Variants in KIF13A observed in about 807,000 individuals in gnomAD.
KIF13A encodes kinesin family member 13A.
A neutral mutation model predicts 212.2 loss-of-function variants in KIF13A; 79 were observed. The observed-to-expected ratio is 0.37, with a 90% CI of 0.31 to 0.45. The LOEUF is 0.45. Ranked by LOEUF, KIF13A falls within the 20% of genes least tolerant of loss-of-function variation. The pLI, the probability that KIF13A is intolerant of heterozygous loss-of-function variation, is 1.00. For synonymous variants in KIF13A, 789 were observed against 808.6 expected (o/e 0.98, Z 0.41); for missense variants, 1,901 against 2,209.0 (o/e 0.86, Z 2.79).
intron 22 of KIF13A, among the ~76,000 whole-genome samples, chr6:17,797,892 C>G (rs561884861): frequency 6.6e-6 from 1 of 152,024 alleles, no homozygotes; most frequent in Non-Finnish European, 1.5e-5. Context: ...AGTGAGACAT[C>G]GTCTTTAAAA....
At chr6:17,977,329 T>C (rs141840822) in intron 2 of KIF13A, among the ~76,000 whole-genome samples, 13 of 152,288 alleles carry the variant, frequency 8.5e-5, no homozygotes, top group African/African-American at 3.1e-4. Context: ...ATCTTCACTA[T>C]AATGTAAGAG....
chr6:17,983,419 T>G (rs1781265141), intron 2 of KIF13A, among the ~76,000 whole-genome samples: 1 of 151,216 alleles, frequency 6.6e-6, no homozygotes, highest in Admixed American at 6.6e-5. Flanking sequence ...GGATTCTCAT[T>G]CCATTGCTCC....
intron 2 of KIF13A, among the ~76,000 whole-genome samples, chr6:17,945,859 C>T (rs373485134): frequency 1.3e-4 from 20 of 152,214 alleles, no homozygotes; most frequent in African/African-American, 3.9e-4. Context: ...ACAGAAGAGA[C>T]GGCCCTGAAA....
At chr6:17,978,950 AC>A (rs963990866) in intron 2 of KIF13A, among the ~76,000 whole-genome samples, 2 of 152,226 alleles carry the variant, frequency 1.3e-5, no homozygotes, top group Non-Finnish European at 2.9e-5. Context: ...TTTAAATGTT[AC>A]ACCAAATAAC....
chr6:17,787,672 A>ACAG lies in KIF13A; in HGVS notation c.3361+103_3361+104insCTG. ...TCTTAAAACAACAACAACAACAACA[A>ACAG]CAAAAATAAGATACTACTGTCCAGT... On this transcript the variant is annotated intron_variant, in intron 27 of 38. Transcript: ENST00000259711. The surrounding 1 kb of genome is among the most constrained non-coding windows in gnomAD (Gnocchi z 4.6). 1.4e-6 allele frequency: 1 copy of ACAG among 717,692 alleles called. No homozygotes were observed. Among genetic ancestry groups the ACAG allele is most frequent in the East Asian group, 2.5e-5 (1 of 40,520 alleles). The allele number at this position is 717,692 out of a possible 1,614,324, so 44.5% of individuals were successfully genotyped here.
chr6:17,781,308 A>T lies in KIF13A; in HGVS notation c.3545-7T>A. The T allele has an allele frequency of 6.4e-7, 1 of 1,570,904 alleles. No homozygotes were observed. The highest frequency in any genetic ancestry group is 8.6e-7 in the Non-Finnish European group (1 of 1,163,800). On this transcript the variant is annotated splice_polypyrimidine_tract_variant and splice_region_variant and intron_variant, in intron 29 of 38. Transcript: ENST00000259711. ...TTGGCACTGAGGTCATCCGCTAACC[A>T]CATCAGGAGCACAGAAAAAACAGTA...
chr6:17,946,580 A>C (rs959032354), intron 2 of KIF13A, among the ~76,000 whole-genome samples: 1 of 152,256 alleles, frequency 6.6e-6, no homozygotes, highest in Admixed American at 6.5e-5. Context: ...TAAAACCACA[A>C]TAAAATATCA....
At position 17,837,614 on chromosome 6, in the gene KIF13A, T is replaced by C. The variant is rs948748272; in HGVS notation, c.831-31A>G. Reference sequence around the variant, plus strand: ...AAGAAAAAATGAAAAATTAGTTTTATGGAATGTTTATTTGGTTTAAGTATA... The same window carrying C: ...AAGAAAAAATGAAAAATTAGTTTTACGGAATGTTTATTTGGTTTAAGTATA... On this transcript the variant is annotated intron_variant, in intron 9 of 38. Transcript: ENST00000259711. This position sits in a 1 kb window ranked among gnomAD's most constrained non-coding sequence, Gnocchi z 5.4. 1 of 1,389,800 alleles carries C rather than the reference T, an allele frequency of 7.2e-7. No individual in the cohort carries two copies. The highest frequency in any genetic ancestry group is 1.4e-5 in the African/African-American group (1 of 70,034). The allele number at this position is 1,389,800 out of a possible 1,614,324, so 86.1% of individuals were successfully genotyped here. A position where few individuals can be genotyped will look rare whatever the true frequency, so the allele number is the denominator to read the frequency against.
intron 3 of KIF13A, among the ~76,000 whole-genome samples, chr6:17,882,542 A>G (rs940578189): frequency 6.6e-6 from 1 of 151,480 alleles, no homozygotes; most frequent in Non-Finnish European, 1.5e-5. Context: ...TTTTAATGTC[A>G]TCTCAAATGT....
chr6:17,773,220 TG>T lies in KIF13A; in HGVS notation c.4324+257del, dbSNP rs137905696. On this transcript the variant is annotated intron_variant, in intron 36 of 38. Transcript: ENST00000259711. The surrounding 1 kb of genome is among the most constrained non-coding windows in gnomAD (Gnocchi z 4.2). ...AAAACTGGACTTGAAAGTCAGGAAATGATGACAAAAAATGATTCAGAAGTTC... is the reference window on the plus strand; with the variant it reads ...AAAACTGGACTTGAAAGTCAGGAAATATGACAAAAAATGATTCAGAAGTTC... Among the ~76,000 whole-genome samples the T allele has an allele frequency of 3.1e-3, 474 of 152,212 alleles. 2 individuals carry two copies. Among genetic ancestry groups the T allele is most frequent in the Middle Eastern group, 0.014 (4 of 292 alleles).
intron 2 of KIF13A, among the ~76,000 whole-genome samples, chr6:17,945,112 A>T (rs1777271538): frequency 6.6e-6 from 1 of 152,318 alleles, no homozygotes; most frequent in Non-Finnish European, 1.5e-5. Flanking sequence ...GTCTCTATTT[A>T]AAAAATTAAA....
intron 16 of KIF13A, among the ~76,000 whole-genome samples, chr6:17,817,963 G>A (rs1157022793): frequency 6.6e-6 from 1 of 152,224 alleles, no homozygotes; most frequent in Non-Finnish European, 1.5e-5. Context: ...TGTGGTATAG[G>A]TAAATCCTAA....
chr6:17,976,696 G>A (rs549335584), intron 2 of KIF13A, among the ~76,000 whole-genome samples: 67 of 152,248 alleles, frequency 4.4e-4, no homozygotes, highest in African/African-American at 1.5e-3. Context: ...TCAGGCAGAG[G>A]AGGCGCCGAG....
rs1766204130 is a variant in KIF13A at position 17,838,584 on chromosome 6, A to AC, written c.831-1002_831-1001insG. On this transcript the variant is annotated intron_variant, in intron 9 of 38. Coordinates refer to ENST00000259711, the MANE Select transcript of KIF13A (RefSeq NM_022113.6). The surrounding 1 kb of genome is among the most constrained non-coding windows in gnomAD (Gnocchi z 4.2). ...GGCTGTTAGAATTTTAATAACAGCCATTACCACAGAGTGGCATAAATATGT... is the reference window on the plus strand; with the variant it reads ...GGCTGTTAGAATTTTAATAACAGCCACTTACCACAGAGTGGCATAAATATGT... Among the ~76,000 whole-genome samples the AC allele has an allele frequency of 1.3e-5, 2 of 152,228 alleles. No homozygotes were observed. Among genetic ancestry groups the AC allele is most frequent in the Admixed American group, 6.5e-5 (1 of 15,284 alleles).
At chr6:17,767,304 G>T (rs539726583) in intron 38 of KIF13A, among the ~76,000 whole-genome samples, 1 of 151,594 alleles carries the variant, frequency 6.6e-6, no homozygotes, top group Non-Finnish European at 1.5e-5. Context: ...GTCCAGGCTG[G>T]AGTGCAATGG....
At position 17,795,367 on chromosome 6, in the gene KIF13A, G is replaced by C. The variant is rs572888681; in HGVS notation, c.2943-663C>G. 2.2e-4 allele frequency among the ~76,000 whole-genome samples: 33 copies of C among 151,276 alleles called. No homozygotes were observed. The South Asian group carries it at 2.7e-3, about 13-fold the overall frequency. ...GAAGGCCAAGGCGGGTGGATCACCT[G>C]AGGTCAGGAGTTCGAGACCAGCCTG... is the stretch of plus-strand genomic sequence containing the variant. On this transcript the variant is annotated intron_variant, in intron 23 of 38. Coordinates refer to ENST00000259711, the MANE Select transcript of KIF13A (RefSeq NM_022113.6).
chr6:17,975,851 G>C (rs2150624192), intron 2 of KIF13A, among the ~76,000 whole-genome samples: 1 of 152,186 alleles, frequency 6.6e-6, no homozygotes, highest in Middle Eastern at 3.4e-3. Flanking sequence ...GACATAGGGT[G>C]CTAATTGGTG....
rs973933871 is a variant in KIF13A at position 17,808,796 on chromosome 6, G to C, written c.2135C>G (p.Pro712Arg). ...CCTATTGGCACTGAGGTTTGCAGCA[G>C]GGATCTGAAGAGTCACTTGGTAATC... ...LTDYQVTLQI[P>R]AANLSANRKR... Residue 712 changes from proline to arginine, a missense_variant, in exon 18 of 39, where the codon CCT becomes CGT. Transcript: ENST00000259711. The C allele has an allele frequency of 1.2e-6, 2 of 1,613,542 alleles. No individual in the cohort carries two copies. The highest frequency in any genetic ancestry group is 1.3e-5 in the African/African-American group (1 of 74,922).
Position 17,794,414 on chromosome 6 carries a change from AGTAT to A in KIF13A, c.3076-23_3076-20del. 6.2e-7 allele frequency: 1 copy of A among 1,601,426 alleles called. No homozygotes were observed. Among genetic ancestry groups the A allele is most frequent in the Non-Finnish European group, 8.5e-7 (1 of 1,171,062 alleles). ...AATGACCCTGAAGAGGGTGGGGAGG[AGTAT>A]GGGTGCCAGGAATGATAATGAAAAG... On this transcript the variant is annotated intron_variant, in intron 24 of 38. Coordinates refer to ENST00000259711, the MANE Select transcript of KIF13A (RefSeq NM_022113.6). This position sits in a 1 kb window ranked among gnomAD's most constrained non-coding sequence, Gnocchi z 4.1.
Sources: gnomAD v4.1 joint callset for allele counts (sites outside exome capture counted in the v4.1 genomes callset) on GRCh38, gnomAD v4.1.1 for gene constraint, Gnocchi (gnomAD v3.1) non-coding constraint, MANE v1.5 for transcripts, NCBI Gene and HGNC (gene_info 2026-07-23, HGNC 2026-07-21) for gene names.